Variants in EHD2 observed in about 807,000 individuals in gnomAD.
EHD2 encodes the protein EH domain-containing protein 2.
In EHD2, 27 loss-of-function variants were observed where a neutral mutation model predicts 41.0. That is an observed-to-expected ratio of 0.66 (90% CI 0.49 to 0.91). The LOEUF (loss-of-function observed/expected upper bound fraction) is 0.91, where lower values mean the gene tolerates loss of function less well. Among genes scored for constraint, EHD2 ranks in the 40% least tolerant of loss-of-function variants. The pLI is 0.00. For synonymous variants in EHD2, 342 were observed against 341.0 expected (o/e 1.00, Z -0.03); for missense variants, 673 against 773.9 (o/e 0.87, Z 1.55).
Position 47,736,535 on chromosome 19 carries a change from T to C in EHD2, c.1080+2T>C. 6.3e-7 allele frequency: 1 copy of C among 1,585,540 alleles called. No homozygotes were observed. The highest frequency in any genetic ancestry group is 8.6e-7 in the Non-Finnish European group (1 of 1,165,686). ...TTTCCTGATTGCCAGAAAATGCAGG[T>C]GGGAAGCTGCCCAGGAGGGAATGTT... On this transcript the variant is annotated splice_donor_variant, in intron 5 of 5. Transcript: ENST00000263277. LOFTEE classifies it high-confidence loss of function.
At chr19:47,733,329 C>T (rs181249847) in intron 4 of EHD2, among the ~76,000 whole-genome samples, 15 of 151,400 alleles carry the variant, frequency 9.9e-5, no homozygotes, top group Admixed American at 9.2e-4. Context: ...TTGACCTCCC[C>T]GGCTTCAGTG....
chr19:47,717,046 T>G, intron 2 of EHD2, 30 bp downstream of exon 2: 1 of 1,597,862 alleles, frequency 6.3e-7, no homozygotes, highest in Non-Finnish European at 8.5e-7. Context: ...AGGGCGCATC[T>G]TTCTTTTTCT....
At chr19:47,725,686 G>A (rs751870288) in intron 3 of EHD2, 126 bp from the exon 4 acceptor site, 5 of 1,294,734 alleles carry the variant, frequency 3.9e-6, no homozygotes, top group Non-Finnish European at 5.2e-6. Flanking sequence ...ACAGGATTTG[G>A]ACAGCCAACA....
rs549720139 is a variant in EHD2 at position 47,726,353 on chromosome 19, GCA to G, written c.915+132_915+133del. ...GTTCTCTTGAAGTTGGGTCATTCTG[GCA>G]CAGAGTGAAGCCGGGAGGAAGAACT... is the stretch of plus-strand genomic sequence containing the variant. On this transcript the variant is annotated intron_variant, in intron 4 of 5. Coordinates refer to ENST00000263277, the MANE Select transcript of EHD2 (RefSeq NM_014601.4). The G allele has an allele frequency of 4.6e-5, 53 of 1,149,548 alleles. No individual in the cohort carries two copies. In the South Asian group the frequency reaches 1.0e-3, roughly 22 times the overall value. 71.2% of individuals were successfully genotyped at this position (1,149,548 alleles called of 1,614,324 possible).
At position 47,741,321 on chromosome 19, in the gene EHD2, G is replaced by C; in HGVS notation, c.1521G>C (p.Ala507=). 1 of 1,613,152 alleles carries C rather than the reference G, an allele frequency of 6.2e-7. No individual in the cohort carries two copies. Among genetic ancestry groups the C allele is most frequent in the East Asian group, 2.2e-5 (1 of 44,872 alleles). The change falls in exon 6 of 6, where the codon GCG becomes GCC. Residue 507 remains alanine, a synonymous_variant. Transcript: ENST00000263277. The surrounding 1 kb of genome is among the most constrained non-coding windows in gnomAD (Gnocchi z 4.5). The stretch of plus-strand genomic sequence containing the variant: ...GCATGCTGGATGATGAGGAGTTCGC[G>C]CTGGCCAGCCACCTCATCGAGGCCA... ...RDGMLDDEEF[A]LASHLIEAKL... is the part of the protein sequence containing the mutation.
At chr19:47,736,570 T>C (rs1456253666) in intron 5 of EHD2, 37 bp downstream of exon 5, 1 of 1,537,674 alleles carries the variant, frequency 6.5e-7, no homozygotes, top group Non-Finnish European at 8.8e-7. Context: ...TGGGGGTGGG[T>C]GATGGGAAGG....
intron 2 of EHD2, among the ~76,000 whole-genome samples, chr19:47,717,340 C>T (rs900085613): frequency 2.0e-5 from 3 of 152,022 alleles, no homozygotes; most frequent in Non-Finnish European, 2.9e-5. Flanking sequence ...TGAGCCACTG[C>T]GCCCGGCCCT....
chr19:47,730,323 C>A (rs1421563357), intron 4 of EHD2, among the ~76,000 whole-genome samples: 2 of 152,158 alleles, frequency 1.3e-5, no homozygotes, highest in South Asian at 4.1e-4. Context: ...AGGCCCCGCC[C>A]CCAGCCCGGC....
chr19:47,736,069 G>A (rs1231205480), intron 4 of EHD2, among the ~76,000 whole-genome samples: 1 of 152,196 alleles, frequency 6.6e-6, no homozygotes, highest in African/African-American at 2.4e-5. Flanking sequence ...AGTGGCGCAT[G>A]CCTGTAATCC....
rs755895230 is a variant in EHD2, at chr19:47,725,948, G to A, written c.639G>A (p.Lys213=). 6.8e-5 allele frequency: 109 copies of A among 1,613,666 alleles called. No individual in the cohort carries two copies. Among genetic ancestry groups the A allele is most frequent in the Non-Finnish European group, 9.1e-5 (107 of 1,179,738 alleles). Residue 213 remains lysine (K), a synonymous_variant, in exon 4 of 6, where the codon AAG becomes AAA. Transcript: ENST00000263277. ...AIGALRGHED[K]IRVVLNKADM... ...GCGCGTTGCGGGGCCATGAGGACAA[G>A]ATCCGCGTGGTGCTCAACAAGGCCG... is the stretch of plus-strand genomic sequence containing the variant.
chr19:47,726,209 G>A lies in EHD2; in HGVS notation c.900G>A (p.Arg300=), dbSNP rs1271736837. Residue 300 remains arginine (R), a synonymous_variant, in exon 4 of 6, where the codon AGG becomes AGA. Transcript: ENST00000263277. The part of the protein sequence containing the change: ...ALRKLNDLVK[R]ARLVRVHAYI... ...GCAAGCTCAACGACCTGGTGAAGAG[G>A]GCCCGGCTGGTGCGAGTGAGTAGTC... 1 of 1,522,504 alleles carries A rather than the reference G, an allele frequency of 6.6e-7. No individual in the cohort carries two copies. 94.3% of individuals were successfully genotyped at this position (1,522,504 alleles called of 1,614,324 possible). A position where few individuals can be genotyped will look rare whatever the true frequency, so the allele number is the denominator to read the frequency against.
intron 4 of EHD2, among the ~76,000 whole-genome samples, chr19:47,736,001 G>A (rs1172665475): frequency 6.6e-6 from 1 of 151,912 alleles, no homozygotes; most frequent in Non-Finnish European, 1.5e-5. Context: ...TTTGAGACCA[G>A]CCTGACCAGC....
At chr19:47,725,296 A>C (rs531255957) in intron 3 of EHD2, among the ~76,000 whole-genome samples, 1 of 151,082 alleles carries the variant, frequency 6.6e-6, no homozygotes, top group Admixed American at 6.6e-5. Flanking sequence ...CACGCCTGTA[A>C]TCCCAACATT....
chr19:47,731,295 T>TATATATAA (rs1973811323), intron 4 of EHD2: 1 of 67,352 alleles, frequency 1.5e-5, no homozygotes, highest in Admixed American at 1.6e-4. Context: ...TATATATATA[T>TATATATAA]ATATATACAT....
At chr19:47,714,831 T>A (rs986866993) in intron 1 of EHD2, among the ~76,000 whole-genome samples, 1 of 151,906 alleles carries the variant, frequency 6.6e-6, no homozygotes, top group East Asian at 1.9e-4. Context: ...GCTCAGGAGT[T>A]CGAGACCACC....
chr19:47,738,889 CGTGTGAGAAGCA>C (rs1167306221), intron 5 of EHD2, among the ~76,000 whole-genome samples: 1 of 152,104 alleles, frequency 6.6e-6, no homozygotes, highest in African/African-American at 2.4e-5. Context: ...TAGAGTAGCC[CGTGTGAGAAGCA>C]GTGTGACGCC....
Position 47,725,793 on chromosome 19 carries a change from C to G in EHD2, c.503-19C>G. Reference sequence around the variant, plus strand: ...TGATTTCTGCCCCTTGCGCCCCTGTCTCTCCACTCCCACTCCAGGCTACGA... The same window carrying G: ...TGATTTCTGCCCCTTGCGCCCCTGTGTCTCCACTCCCACTCCAGGCTACGA... On this transcript the variant is annotated intron_variant, in intron 3 of 5. Transcript: ENST00000263277. 1.3e-6 allele frequency: 2 copies of G among 1,559,642 alleles called. No individual in the cohort carries two copies. Among genetic ancestry groups the G allele is most frequent in the South Asian group, 1.2e-5 (1 of 83,794 alleles).
chr19:47,737,039 G>A (rs934792784), intron 5 of EHD2, among the ~76,000 whole-genome samples: 6 of 151,966 alleles, frequency 3.9e-5, no homozygotes, highest in Admixed American at 6.6e-5. Flanking sequence ...AGACCATCCT[G>A]GCTAACACGG....
chr19:47,735,253 G>C (rs1278650134), intron 4 of EHD2, among the ~76,000 whole-genome samples: 1 of 152,138 alleles, frequency 6.6e-6, no homozygotes, highest in African/African-American at 2.4e-5. Context: ...TGAGTCCTGA[G>C]CTGGAGGGAG....
Sources: allele counts gnomAD v4.1 joint callset (sites outside exome capture counted in the v4.1 genomes callset), GRCh38; gene constraint gnomAD v4.1.1; non-coding constraint Gnocchi (gnomAD v3.1); transcripts MANE v1.5; gene names NCBI Gene and HGNC (gene_info 2026-07-23, HGNC 2026-07-21).